FAAH2: variants seen among roughly 807,000 people sequenced by gnomAD.
FAAH2 encodes the protein fatty acid amide hydrolase 2.
In FAAH2, 60 loss-of-function variants were observed where a neutral mutation model predicts 36.9. The observed-to-expected ratio is 1.63, with a 90% CI of 1.32 to 2.02. The LOEUF (loss-of-function observed/expected upper bound fraction) is 2.02. Among genes scored for constraint, FAAH2 ranks in the 30% most tolerant of loss-of-function variants. FAAH2 has a pLI of 0.00. For missense variants in FAAH2, 689 were observed against 397.5 expected, an observed-to-expected ratio of 1.73 and a Z score of -6.23; for synonymous variants, 214 against 143.8, an observed-to-expected ratio of 1.49 and a Z score of -3.49.
chrX:57,146,015 C>CT, the FAAH2 span, among the ~76,000 whole-genome samples: 2 of 104,451 alleles, frequency 1.9e-5, no homozygotes, highest in Non-Finnish European at 4.0e-5. Flanking sequence ...TTTTTTTTTT[C>CT]TTTTTTTGCT....
the FAAH2 span, among the ~76,000 whole-genome samples, chrX:57,203,683 A>AT: frequency 1.8e-5 from 2 of 111,776 alleles, no homozygotes; most frequent in Admixed American, 9.4e-5. Flanking sequence ...GCCTCCAAGT[A>AT]TTTTTATCTA....
the FAAH2 span, among the ~76,000 whole-genome samples, chrX:57,253,246 C>A: frequency 9.2e-6 from 1 of 108,661 alleles, no homozygotes; most frequent in Admixed American, 9.8e-5. Context: ...AAAAAAAAAG[C>A]CTCCAAGAAA....
At chrX:57,182,956 C>A in the FAAH2 span, among the ~76,000 whole-genome samples, 4 of 110,996 alleles carry the variant, frequency 3.6e-5, no homozygotes, top group Non-Finnish European at 5.7e-5. Context: ...AAATCAAATA[C>A]TGCATGTTCC....
the FAAH2 span, among the ~76,000 whole-genome samples, chrX:57,162,161 T>G: frequency 8.9e-6 from 1 of 111,992 alleles, no homozygotes; most frequent in African/African-American, 3.3e-5. Context: ...TTGAAAATTC[T>G]TTTCTTTAAG....
the FAAH2 span, among the ~76,000 whole-genome samples, chrX:57,133,392 C>G: frequency 1.8e-5 from 2 of 111,350 alleles, no homozygotes; most frequent in African/African-American, 3.3e-5. Context: ...CAAATGGGAT[C>G]AAAGCAAGTC....
intron 10 of FAAH2, among the ~76,000 whole-genome samples, chrX:57,487,898 G>A (rs1255249235): frequency 8.9e-6 from 1 of 111,908 alleles, no homozygotes. Flanking sequence ...CAACTGTCCA[G>A]TAACTGGTGA....
At chrX:57,242,601 A>T in the FAAH2 span, among the ~76,000 whole-genome samples, 1 of 111,423 alleles carries the variant, frequency 9.0e-6, no homozygotes, top group Non-Finnish European at 1.9e-5. Flanking sequence ...GATGCAGCCC[A>T]TGGAGGGTGA....
At chrX:57,313,994 A>C (rs929720816) in intron 3 of FAAH2, among the ~76,000 whole-genome samples, 1 of 111,829 alleles carries the variant, frequency 8.9e-6, no homozygotes, top group Non-Finnish European at 1.9e-5. Context: ...TAAGAGGCCC[A>C]TCTCACATGT....
At chrX:57,446,098 C>T (rs1286377720) in intron 8 of FAAH2, among the ~76,000 whole-genome samples, 1 of 112,118 alleles carries the variant, frequency 8.9e-6, no homozygotes, top group African/African-American at 3.2e-5. Context: ...TGGGACAGGG[C>T]AGGACTGGGT....
chrX:57,437,553 T>G (rs2056434847), intron 8 of FAAH2, among the ~76,000 whole-genome samples: 1 of 109,171 alleles, frequency 9.2e-6, no homozygotes, highest in African/African-American at 3.3e-5. Flanking sequence ...AAAATACATG[T>G]ATAAAAACAA....
chrX:57,422,713 G>T (rs1483408912), intron 7 of FAAH2, among the ~76,000 whole-genome samples: 1 of 111,216 alleles, frequency 9.0e-6, no homozygotes, highest in Non-Finnish European at 1.9e-5. Flanking sequence ...GTCCCTCTGT[G>T]GCCTACAGGT....
intron 5 of FAAH2, among the ~76,000 whole-genome samples, chrX:57,361,725 G>A (rs922582461): frequency 5.4e-5 from 6 of 111,333 alleles, no homozygotes; most frequent in Non-Finnish European, 9.4e-5. Flanking sequence ...CTTGGAGAAT[G>A]TCCATGAAAT....
the FAAH2 span, among the ~76,000 whole-genome samples, chrX:57,203,881 A>C: frequency 1.8e-5 from 2 of 111,803 alleles, no homozygotes; most frequent in East Asian, 5.6e-4. Flanking sequence ...TCTTATTAAG[A>C]GCTATTAACA....
chrX:57,164,265 A>C, the FAAH2 span, among the ~76,000 whole-genome samples: 2 of 112,325 alleles, frequency 1.8e-5, no homozygotes, highest in African/African-American at 6.5e-5. Context: ...TTGTAAGACA[A>C]CATTAAAGTC....
At chrX:57,369,024 T>C (rs1355635005) in intron 5 of FAAH2, among the ~76,000 whole-genome samples, 4 of 107,452 alleles carry the variant, frequency 3.7e-5, no homozygotes, top group Non-Finnish European at 7.7e-5. Flanking sequence ...AAGAGATACA[T>C]ATAATGGAAA....
chrX:57,324,244 C>G (rs912517960), intron 3 of FAAH2, among the ~76,000 whole-genome samples: 2 of 111,755 alleles, frequency 1.8e-5, no homozygotes, highest in Non-Finnish European at 3.8e-5. Context: ...GTTACTGTAG[C>G]CTTTAGTATA....
chrX:57,300,399 G>T, intron 2 of FAAH2, among the ~76,000 whole-genome samples: 1 of 111,996 alleles, frequency 8.9e-6, no homozygotes, highest in Middle Eastern at 4.6e-3. Context: ...AAACCGGCTA[G>T]CTATATATGT....
At chrX:57,437,888 C>T (rs185100828) in intron 8 of FAAH2, among the ~76,000 whole-genome samples, 46 of 99,600 alleles carry the variant, frequency 4.6e-4, no homozygotes, top group East Asian at 2.8e-3. Context: ...TATATACATA[C>T]GTATATGTAT....
chrX:57,429,419 C>G lies in FAAH2; in HGVS notation c.997-2499C>G, dbSNP rs368835786. Among the ~76,000 whole-genome samples, 8 of 109,586 alleles carry G rather than the reference C, an allele frequency of 7.3e-5. No individual in the cohort carries two copies. The East Asian group carries it at 2.3e-3, about 31-fold the overall frequency. ...TTTCAAAAGAAGACATACAAATGGC[C>G]AACAAACACATAAAAAACTGCTTAA... On this transcript the variant is annotated intron_variant, in intron 7 of 10. Coordinates refer to ENST00000374900, the MANE Select transcript of FAAH2 (RefSeq NM_174912.4).
Sources: gnomAD v4.1 joint callset for allele counts (sites outside exome capture counted in the v4.1 genomes callset) on GRCh38, gnomAD v4.1.1 for gene constraint, MANE v1.5 for transcripts, NCBI Gene and HGNC (gene_info 2026-07-23, HGNC 2026-07-21) for gene names.